IL16: variants seen among roughly 807,000 people sequenced by gnomAD.
IL16 encodes interleukin 16.
Under a neutral mutation model 110.1 loss-of-function variants are expected in IL16, and 67 were observed. The ratio of observed to expected loss-of-function variants is 0.61; its 90% CI spans 0.50 to 0.75. The LOEUF is 0.75. Among genes scored for constraint, IL16 ranks in the 30% least tolerant of loss-of-function variants. IL16 has a pLI of 0.00. For missense variants in IL16, 1,545 were observed against 1,655.0 expected (o/e 0.93, Z 1.15); for synonymous variants, 689 against 662.9 (o/e 1.04, Z -0.61).
intron 1 of IL16, among the ~76,000 whole-genome samples, chr15:81,216,716 T>A (rs1338188741): frequency 6.6e-6 from 1 of 152,160 alleles, no homozygotes; most frequent in African/African-American, 2.4e-5. Context: ...TACCGAGCAT[T>A]CATGAGGACC....
intron 1 of IL16, among the ~76,000 whole-genome samples, chr15:81,209,248 T>C (rs546412180): frequency 4.3e-4 from 65 of 152,138 alleles, no homozygotes; most frequent in African/African-American, 1.4e-3. Flanking sequence ...GTCAGGGAAA[T>C]CATGGGTACA....
intron 2 of IL16, among the ~76,000 whole-genome samples, chr15:81,238,497 T>G (rs1897246103): frequency 6.6e-6 from 1 of 152,176 alleles, no homozygotes; most frequent in South Asian, 2.1e-4. Flanking sequence ...GTACTGACAT[T>G]TTACCACTTC....
At chr15:81,306,816 AGTGGGGCAGTGAGGCACTGGCCT>A in intron 18 of IL16, 1 of 483,920 alleles carries the variant, frequency 2.1e-6, no homozygotes, top group Admixed American at 3.2e-5. Context: ...AGGACTCTAG[AGTGGGGCAGTGAGGCACTGGCCT>A]GTGGGGCAGA....
intron 13 of IL16, 40 bp downstream of exon 13, chr15:81,297,118 TG>T (rs1596047410): frequency 6.3e-7 from 1 of 1,584,164 alleles, no homozygotes. Context: ...AAGGGTCTTT[TG>T]AAAAAAGGTG....
At chr15:81,197,579 C>T (rs916400945) in intron 1 of IL16, among the ~76,000 whole-genome samples, 1 of 152,132 alleles carries the variant, frequency 6.6e-6, no homozygotes, top group Non-Finnish European at 1.5e-5. Flanking sequence ...GACTCCTTTT[C>T]TCCAAAGTGG....
intron 6 of IL16, among the ~76,000 whole-genome samples, chr15:81,277,471 A>T (rs938113289): frequency 4.0e-5 from 6 of 150,964 alleles, no homozygotes; most frequent in Admixed American, 4.0e-4. Flanking sequence ...TTGAGACAGG[A>T]TCTCATCCTG....
chr15:81,193,573 G>A (rs572111780), upstream of IL16, among the ~76,000 whole-genome samples: 2 of 152,256 alleles, frequency 1.3e-5, no homozygotes, highest in Non-Finnish European at 2.9e-5. Flanking sequence ...AGAAAAAAAG[G>A]CCAGAGAGAG....
upstream of IL16, chr15:81,196,767 A>G (rs1895609100): frequency 8.5e-6 from 8 of 936,252 alleles, no homozygotes; most frequent in Non-Finnish European, 1.1e-5. Flanking sequence ...CCTTGTTCTG[A>G]GGCTGAGCTT....
intron 1 of IL16, among the ~76,000 whole-genome samples, chr15:81,209,329 A>G (rs1328179249): frequency 6.6e-6 from 1 of 152,084 alleles, no homozygotes; most frequent in Non-Finnish European, 1.5e-5. Context: ...ATATTCCAGG[A>G]AACCAGTCTG....
intron 1 of IL16, among the ~76,000 whole-genome samples, chr15:81,199,419 C>T (rs1895728567): frequency 6.6e-6 from 1 of 152,146 alleles, no homozygotes; most frequent in African/African-American, 2.4e-5. Flanking sequence ...AAGGGCGGAG[C>T]CCATCAGGAG....
rs1426228177 is a variant in IL16 at position 81,310,143 on chromosome 15, C to G, written c.*1345C>G. ...CTGGGCCAGAGTATTGGTCTCCTCT[C>G]AGCCCCTGATCCTGTGAAGTAAGGA... is the stretch of plus-strand genomic sequence containing the variant. On this transcript the variant is annotated 3_prime_UTR_variant, in exon 19 of 19. Transcript: ENST00000683961. 6.6e-6 allele frequency: 1 copy of G among 152,276 alleles called. No individual in the cohort carries two copies. Among genetic ancestry groups the G allele is most frequent in the African/African-American group, 2.4e-5 (1 of 41,452 alleles). The allele number at this position is 152,276 out of a possible 1,614,324, so 9.4% of individuals were successfully genotyped here. A position where few individuals can be genotyped will look rare whatever the true frequency, so the allele number is the denominator to read the frequency against.
intron 16 of IL16, among the ~76,000 whole-genome samples, chr15:81,304,079 A>G (rs954485623): frequency 1.3e-5 from 2 of 152,198 alleles, no homozygotes; most frequent in South Asian, 2.1e-4. Flanking sequence ...TCCATGCCCA[A>G]CTGAAAACAA....
intron 2 of IL16, among the ~76,000 whole-genome samples, chr15:81,255,862 C>T (rs1897927669): frequency 6.6e-6 from 1 of 152,136 alleles, no homozygotes; most frequent in Admixed American, 6.5e-5. Context: ...GCCTTGGACT[C>T]AGGACTTACA....
At position 81,290,470 on chromosome 15, in the gene IL16, C is replaced by A; in HGVS notation, c.1350C>A (p.Leu450=). The A allele has an allele frequency of 6.2e-7, 1 of 1,612,618 alleles. No individual in the cohort carries two copies. Among genetic ancestry groups the A allele is most frequent in the South Asian group, 1.1e-5 (1 of 90,822 alleles). Reference sequence around the variant, plus strand: ...TTTTCTAGGTCTCTGAACAGCAACTCAAAGAAGCTGTGGCCCAGGCTGTGG... The same window carrying A: ...TTTTCTAGGTCTCTGAACAGCAACTAAAAGAAGCTGTGGCCCAGGCTGTGG... ...HPDPQVSEQQ[L]KEAVAQAVEN... is the part of the protein sequence containing the mutation. Residue 450 remains leucine (L), a synonymous_variant, in exon 11 of 19, where the codon CTC becomes CTA. Transcript: ENST00000683961.
intron 17 of IL16, 42 bp downstream of exon 17, chr15:81,306,208 C>T (rs1900547969): frequency 2.5e-6 from 4 of 1,595,176 alleles, no homozygotes; most frequent in Middle Eastern, 1.7e-4. Flanking sequence ...GGGCCACATC[C>T]TCTTTGGCCA....
At chr15:81,282,550 G>A (rs1236434677) in intron 8 of IL16, 89 bp from the exon 9 acceptor site, 1 of 899,696 alleles carries the variant, frequency 1.1e-6, no homozygotes, top group East Asian at 2.4e-5. Flanking sequence ...TAATAACCAG[G>A]GGGCCATGTC....
chr15:81,231,218 G>T (rs1426342363), intron 2 of IL16, among the ~76,000 whole-genome samples: 1 of 151,512 alleles, frequency 6.6e-6, no homozygotes, highest in African/African-American at 2.4e-5. Context: ...ACAATACCTT[G>T]TCTCTGAAAA....
At chr15:81,199,945 G>A (rs1002177324) in intron 1 of IL16, among the ~76,000 whole-genome samples, 1 of 152,140 alleles carries the variant, frequency 6.6e-6, no homozygotes, top group Non-Finnish European at 1.5e-5. Context: ...CCCAAAGAAG[G>A]GAGCTAAATG....
In IL16 at chr15:81,300,020, G is replaced by A. The variant is rs61995947; in HGVS notation, c.2694G>A (p.Gln898=). The A allele has an allele frequency of 1.3e-6, 2 of 1,576,672 alleles. No homozygotes were observed. Among genetic ancestry groups the A allele is most frequent in the African/African-American group, 1.4e-5 (1 of 73,714 alleles). Residue 898 remains glutamine (Q), a synonymous_variant, in exon 14 of 19, where the codon CAG becomes CAA. Transcript: ENST00000683961. ...GRGAAPTLVP[Q]QPEQVLSSGS... ...GGGCTGCACCCACTCTTGTGCCCCA[G>A]CAGCCTGAGCAAGTACTGTCCTCGG...
Sources: gnomAD v4.1 joint callset for allele counts (sites outside exome capture counted in the v4.1 genomes callset) on GRCh38, gnomAD v4.1.1 for gene constraint, MANE v1.5 for transcripts, NCBI Gene and HGNC (gene_info 2026-07-23, HGNC 2026-07-21) for gene names.